Variants in GLCE observed in about 807,000 individuals in gnomAD.
GLCE encodes the protein D-glucuronyl C5-epimerase.
A neutral mutation model predicts 47.9 loss-of-function variants in GLCE; 19 were observed. The ratio of observed to expected loss-of-function variants is 0.40; its 90% CI spans 0.28 to 0.58. GLCE has a LOEUF of 0.58. Among genes scored for constraint, GLCE ranks in the 20% least tolerant of loss-of-function variants. GLCE has a pLI of 0.48. For missense variants in GLCE, 556 were observed against 743.3 expected, an observed-to-expected ratio of 0.75 and a Z score of 2.93; for synonymous variants, 245 against 263.4, an observed-to-expected ratio of 0.93 and a Z score of 0.68.
At chr15:69,169,939 CTT>C (rs1406550346) in intron 1 of GLCE, among the ~76,000 whole-genome samples, 1 of 152,130 alleles carries the variant, frequency 6.6e-6, no homozygotes, top group Non-Finnish European at 1.5e-5. Context: ...TAACTAATCT[CTT>C]ATTATAAGAT....
chr15:69,239,975 A>T (rs935147447), intron 2 of GLCE, among the ~76,000 whole-genome samples: 2 of 152,226 alleles, frequency 1.3e-5, no homozygotes, highest in Non-Finnish European at 2.9e-5. Context: ...GCTAAAAGTA[A>T]TATTGGGTGA....
At chr15:69,223,469 A>G (rs954510437) in intron 2 of GLCE, among the ~76,000 whole-genome samples, 3 of 152,132 alleles carry the variant, frequency 2.0e-5, no homozygotes, top group Non-Finnish European at 4.4e-5. Flanking sequence ...TCCCTTGTAT[A>G]TGATAAGTCT....
chr15:69,168,867 C>T (rs896433770), intron 1 of GLCE, among the ~76,000 whole-genome samples: 3 of 151,830 alleles, frequency 2.0e-5, no homozygotes, highest in East Asian at 1.9e-4. Context: ...TGATAGGACT[C>T]GAAGAAAAAA....
chr15:69,267,875 A>G (rs750826599), intron 4 of GLCE, among the ~76,000 whole-genome samples: 1 of 137,640 alleles, frequency 7.3e-6, no homozygotes, highest in Non-Finnish European at 1.5e-5. Flanking sequence ...CAGAATGGGT[A>G]TAGTAGAATA....
In GLCE at chr15:69,235,093, C is replaced by CTT. The variant is rs869212730; in HGVS notation, c.-13-20670_-13-20669dup. Among the ~76,000 whole-genome samples the CTT allele has an allele frequency of 6.5e-3, 406 of 62,884 alleles. 34 individuals carry two copies. The highest frequency in any genetic ancestry group is 0.012 in the African/African-American group (161 of 13,354). The allele number at this position is 62,884 out of a possible 152,430, so 41.3% of individuals were successfully genotyped here. On this transcript the variant is annotated intron_variant, in intron 2 of 4. Coordinates refer to ENST00000261858, the MANE Select transcript of GLCE (RefSeq NM_015554.3). The stretch of plus-strand genomic sequence containing the variant: ...CTGATACAGATAGATGAAGATTATT[C>CTT]TTTTTTTTTTTTTTTTTTTTTTTTT...
At chr15:69,179,353 C>T (rs1481222122) in intron 1 of GLCE, among the ~76,000 whole-genome samples, 1 of 151,944 alleles carries the variant, frequency 6.6e-6, no homozygotes, top group Admixed American at 6.6e-5. Flanking sequence ...TACCATATAC[C>T]CTTCATCCAA....
chr15:69,161,854 G>T lies in GLCE; in HGVS notation c.-105+1097G>T, dbSNP rs575977136. ...CAGGTTCTTTAGGAGGCCGGTGTCCGCAGGTTGAGCGTGGATACAGCTCCT... is the reference window on the plus strand; with the variant it reads ...CAGGTTCTTTAGGAGGCCGGTGTCCTCAGGTTGAGCGTGGATACAGCTCCT... On this transcript the variant is annotated intron_variant, in intron 1 of 4. Coordinates refer to ENST00000261858, the MANE Select transcript of GLCE (RefSeq NM_015554.3). Among the ~76,000 whole-genome samples, 3 of 152,228 alleles carry T rather than the reference G, an allele frequency of 2.0e-5. No homozygotes were observed. The South Asian group carries it at 6.2e-4, about 32-fold the overall frequency.
intron 1 of GLCE, among the ~76,000 whole-genome samples, chr15:69,190,325 T>TC (rs2051894807): frequency 6.6e-6 from 1 of 152,088 alleles, no homozygotes. Flanking sequence ...CTAGTGGTGT[T>TC]CAAGTTTACT....
intron 1 of GLCE, among the ~76,000 whole-genome samples, chr15:69,200,304 T>C (rs946631254): frequency 2.1e-4 from 32 of 152,168 alleles, no homozygotes; most frequent in African/African-American, 7.5e-4. Context: ...TGGTTCCAGA[T>C]TTAAAATACA....
chr15:69,192,608 C>T (rs973420403), intron 1 of GLCE, among the ~76,000 whole-genome samples: 1 of 151,852 alleles, frequency 6.6e-6, no homozygotes, highest in Non-Finnish European at 1.5e-5. Flanking sequence ...TTATCGAATG[C>T]TCATTATTGT....
At position 69,197,182 on chromosome 15, in the gene GLCE, G is replaced by A. The variant is rs2052007013; in HGVS notation, c.-104-13134G>A. On this transcript the variant is annotated intron_variant, in intron 1 of 4. Coordinates refer to ENST00000261858, the MANE Select transcript of GLCE (RefSeq NM_015554.3). ...CCTGACAATGCGTCGCACAACCAAC[G>A]CTTCAAAAGTTGAATGAATTGGGCA... is the stretch of plus-strand genomic sequence containing the variant. 6 of 417,626 alleles carry A rather than the reference G, an allele frequency of 1.4e-5. No homozygotes were observed. In the East Asian group the frequency reaches 4.4e-4, roughly 31 times the overall value. 25.9% of individuals were successfully genotyped at this position (417,626 alleles called of 1,614,324 possible).
At chr15:69,240,846 C>G (rs759134052) in intron 2 of GLCE, among the ~76,000 whole-genome samples, 1 of 151,896 alleles carries the variant, frequency 6.6e-6, no homozygotes, top group Non-Finnish European at 1.5e-5. Flanking sequence ...TACAGAGATC[C>G]AATATATACA....
chr15:69,228,441 T>C (rs941005543), intron 2 of GLCE, among the ~76,000 whole-genome samples: 14 of 152,188 alleles, frequency 9.2e-5, no homozygotes, highest in African/African-American at 3.1e-4. Flanking sequence ...AAGGATGGTT[T>C]TAATCATTAG....
rs2053011571 is a variant in GLCE, at chr15:69,261,314, C to T, written c.814C>T (p.Gln272Ter). 1.9e-6 allele frequency: 3 copies of T among 1,613,704 alleles called. No homozygotes were observed. The highest frequency in any genetic ancestry group is 2.2e-5 in the South Asian group (2 of 91,058). ...ADKSRFTNVK[Q>*]FIAPETSEGV... is the part of the protein sequence containing the mutation. ...TAAGTCTAGATTCACCAATGTCAAA[C>T]AGTTTATTGCACCAGGTAAGTTATG... Residue 272 changes from glutamine (Q) to a stop codon, truncating the protein, a stop_gained, in exon 4 of 5, where the codon CAG becomes TAG. Transcript: ENST00000261858. LOFTEE classifies it high-confidence loss of function.
At chr15:69,267,532 T>C (rs1450351635) in intron 4 of GLCE, among the ~76,000 whole-genome samples, 1 of 152,240 alleles carries the variant, frequency 6.6e-6, no homozygotes, top group Non-Finnish European at 1.5e-5. Flanking sequence ...TTAGCACTTC[T>C]AGCAAGTATG....
At chr15:69,215,805 G>C (rs1595760159) in intron 2 of GLCE, among the ~76,000 whole-genome samples, 3 of 152,182 alleles carry the variant, frequency 2.0e-5, no homozygotes, top group Middle Eastern at 3.4e-3. Context: ...TGTATGTGTA[G>C]TGGCATCTTG....
chr15:69,164,839 C>T (rs1566944208), intron 1 of GLCE, among the ~76,000 whole-genome samples: 2 of 151,954 alleles, frequency 1.3e-5, no homozygotes, highest in South Asian at 2.1e-4. Context: ...TTTTTAGTTC[C>T]AATCCCTGGT....
At chr15:69,222,908 A>G (rs528076046) in intron 2 of GLCE, among the ~76,000 whole-genome samples, 1 of 152,198 alleles carries the variant, frequency 6.6e-6, no homozygotes, top group African/African-American at 2.4e-5. Flanking sequence ...GATTACAATT[A>G]ACATCCTAGG....
Position 69,261,271 on chromosome 15 carries a change from T to C in GLCE, c.771T>C (p.Phe257=). 1 of 1,614,112 alleles carries C rather than the reference T, an allele frequency of 6.2e-7. No homozygotes were observed. The highest frequency in any genetic ancestry group is 8.5e-7 in the Non-Finnish European group (1 of 1,179,994). Residue 257 remains phenylalanine (F), a synonymous_variant, in exon 4 of 5, where the codon TTT becomes TTC. Transcript: ENST00000261858. ...PNDWTVPKGC[F]MANVADKSRF... ...ACTGGACTGTGCCAAAGGGCTGCTT[T>C]ATGGCGAATGTGGCTGATAAGTCTA...
Sources: allele counts gnomAD v4.1 joint callset (sites outside exome capture counted in the v4.1 genomes callset), GRCh38; gene constraint gnomAD v4.1.1; transcripts MANE v1.5; gene names NCBI Gene and HGNC (gene_info 2026-07-23, HGNC 2026-07-21).